Variants in TTC29 observed in about 807,000 individuals in gnomAD.
TTC29 encodes tetratricopeptide repeat protein 29.
In TTC29, 49 loss-of-function variants were observed where a neutral mutation model predicts 58.1. The ratio of observed to expected loss-of-function variants is 0.84; its 90% CI spans 0.67 to 1.07. The LOEUF is 1.07. Ranked by LOEUF, TTC29 falls within the 50% of genes least tolerant of loss-of-function variation. TTC29 has a pLI of 0.00. For synonymous variants in TTC29, 209 were observed against 196.8 expected (o/e 1.06, Z -0.52); for missense variants, 582 against 555.6 (o/e 1.05, Z -0.48).
chr4:146,766,444 A>G (rs1362517890), intron 11 of TTC29, among the ~76,000 whole-genome samples: 1 of 152,060 alleles, frequency 6.6e-6, no homozygotes, highest in Non-Finnish European at 1.5e-5. Flanking sequence ...GACATTCTTA[A>G]AGCATTGATG....
At chr4:146,939,973 A>T (rs1736221256) in intron 2 of TTC29, 72 bp from the exon 3 acceptor site, 1 of 1,389,828 alleles carries the variant, frequency 7.2e-7, no homozygotes, top group South Asian at 1.4e-5. Flanking sequence ...AGACATTATT[A>T]GAGATTTACA....
intron 11 of TTC29, among the ~76,000 whole-genome samples, chr4:146,743,063 C>T (rs566536625): frequency 6.6e-6 from 1 of 151,972 alleles, no homozygotes; most frequent in South Asian, 2.1e-4. Context: ...CTTTACTCTC[C>T]ATCAGCGTTA....
intron 4 of TTC29, among the ~76,000 whole-genome samples, chr4:146,929,966 GCA>G (rs1735194340): frequency 6.6e-6 from 1 of 150,548 alleles, no homozygotes; most frequent in Non-Finnish European, 1.5e-5. Flanking sequence ...AATAGTTAAA[GCA>G]CAGAGCTTGA....
intron 11 of TTC29, among the ~76,000 whole-genome samples, chr4:146,785,307 C>T (rs759693571): frequency 6.6e-6 from 1 of 151,818 alleles, no homozygotes; most frequent in South Asian, 2.1e-4. Flanking sequence ...ATTCTTCTGC[C>T]TCAGCCTCTA....
At chr4:146,862,126 A>G (rs1730273371) in intron 8 of TTC29, among the ~76,000 whole-genome samples, 1 of 152,154 alleles carries the variant, frequency 6.6e-6, no homozygotes, top group Non-Finnish European at 1.5e-5. Context: ...GTGGGAAAGT[A>G]GAATAAAAGA....
chr4:146,859,120 G>C (rs1160229572), intron 8 of TTC29, among the ~76,000 whole-genome samples: 1 of 152,122 alleles, frequency 6.6e-6, no homozygotes, highest in Non-Finnish European at 1.5e-5. Context: ...GGAGATGATA[G>C]GGAAGAGTGA....
chr4:146,880,985 A>G (rs1731588230), intron 6 of TTC29, among the ~76,000 whole-genome samples: 1 of 152,158 alleles, frequency 6.6e-6, no homozygotes, highest in Non-Finnish European at 1.5e-5. Context: ...AAGTTGCTCC[A>G]CTTAAGAAAA....
intron 11 of TTC29, among the ~76,000 whole-genome samples, chr4:146,708,400 A>G (rs969891359): frequency 2.0e-5 from 3 of 146,496 alleles, no homozygotes; most frequent in South Asian, 4.3e-4. Context: ...ATATAAACAT[A>G]TATATATAAA....
chr4:146,761,036 C>A (rs928596039), intron 11 of TTC29, among the ~76,000 whole-genome samples: 5 of 151,540 alleles, frequency 3.3e-5, no homozygotes, highest in African/African-American at 1.2e-4. Flanking sequence ...TATGTGGGAG[C>A]TAAGCTATGA....
At chr4:146,805,418 G>A (rs1579715359) in intron 10 of TTC29, among the ~76,000 whole-genome samples, 1 of 151,970 alleles carries the variant, frequency 6.6e-6, no homozygotes, top group Admixed American at 6.6e-5. Flanking sequence ...GTTTCAGAAG[G>A]TGGGTAATAA....
intron 11 of TTC29, 31 bp from the exon 12 acceptor site, chr4:146,707,582 T>G: frequency 1.4e-6 from 2 of 1,454,198 alleles, no homozygotes; most frequent in Non-Finnish European, 1.9e-6. Flanking sequence ...GTTAATAGAT[T>G]ATCATGAACA....
intron 11 of TTC29, among the ~76,000 whole-genome samples, chr4:146,765,299 A>G (rs1747222541): frequency 1.3e-5 from 2 of 152,292 alleles, no homozygotes; most frequent in East Asian, 3.9e-4. Flanking sequence ...ATTTTCATGG[A>G]AAGTAATTCT....
chr4:146,707,545 A>G lies in TTC29; in HGVS notation c.1337T>C (p.Phe446Ser). ...TACAGCTTCCACTGTGGATCCTCTA[A>G]ACTCTTCTAAAAAAAAAATACACAA... ...NIEPDPVTEE[F>S]RGSTVEAVSQ... The change falls in exon 12 of 13, where the codon TTT becomes TCT. Residue 446 changes from phenylalanine to serine, a missense_variant. Transcript: ENST00000325106. The G allele has an allele frequency of 6.2e-7, 1 of 1,602,632 alleles. No homozygotes were observed.
At position 146,732,023 on chromosome 4, in the gene TTC29, T is replaced by C. The variant is rs550137604; in HGVS notation, c.1331-24472A>G. Among the ~76,000 whole-genome samples, 209 of 152,332 alleles carry C rather than the reference T, an allele frequency of 1.4e-3. 1 individual carries two copies. The highest frequency in any genetic ancestry group is 3.4e-3 in the Middle Eastern group (1 of 294). On this transcript the variant is annotated intron_variant, in intron 11 of 12. Transcript: ENST00000325106. Reference sequence around the variant, plus strand: ...TACTTCATATGACTCCTATGAGTGATGTTTCCAGAAGTAACAAGTTTTGGA... The same window carrying C: ...TACTTCATATGACTCCTATGAGTGACGTTTCCAGAAGTAACAAGTTTTGGA...
intron 6 of TTC29, among the ~76,000 whole-genome samples, chr4:146,884,240 A>T (rs765265315): frequency 6.6e-6 from 1 of 152,146 alleles, no homozygotes; most frequent in Non-Finnish European, 1.5e-5. Flanking sequence ...CTTTCATTCA[A>T]CTATAAAGTG....
intron 11 of TTC29, among the ~76,000 whole-genome samples, chr4:146,772,094 G>T (rs1747783781): frequency 6.6e-6 from 1 of 151,960 alleles, no homozygotes; most frequent in Non-Finnish European, 1.5e-5. Flanking sequence ...TTTTAATGGG[G>T]TTGTTTGTTT....
chr4:146,930,566 G>T (rs565415379), intron 4 of TTC29, among the ~76,000 whole-genome samples: 1 of 152,264 alleles, frequency 6.6e-6, no homozygotes, highest in Admixed American at 6.5e-5. Flanking sequence ...ACAGGATACG[G>T]GTATAGGCCA....
At position 146,786,368 on chromosome 4, in the gene TTC29, T is replaced by C. The variant is rs183932442; in HGVS notation, c.1330+17089A>G. On this transcript the variant is annotated intron_variant, in intron 11 of 12. Transcript: ENST00000325106. ...TGTGCTTTAAAATAACACGGTTGAATCAACTTGTAAAATTTAATCCACTCT... is the reference window on the plus strand; with the variant it reads ...TGTGCTTTAAAATAACACGGTTGAACCAACTTGTAAAATTTAATCCACTCT... Among the ~76,000 whole-genome samples the C allele has an allele frequency of 2.5e-3, 383 of 152,320 alleles. 4 individuals are homozygous for C. Among genetic ancestry groups the C allele is most frequent in the African/African-American group, 8.8e-3 (364 of 41,570 alleles).
intron 8 of TTC29, among the ~76,000 whole-genome samples, chr4:146,856,736 T>A (rs1468443713): frequency 6.6e-6 from 1 of 150,792 alleles, no homozygotes; most frequent in East Asian, 1.9e-4. Context: ...AGAGACATTT[T>A]AAAAAATTAA....
Sources: gnomAD v4.1 joint callset for allele counts (sites outside exome capture counted in the v4.1 genomes callset) on GRCh38, gnomAD v4.1.1 for gene constraint, MANE v1.5 for transcripts, NCBI Gene and HGNC (gene_info 2026-07-23, HGNC 2026-07-21) for gene names.